The following CAPZA2 variants were observed in gnomAD, a reference collection of about 807,000 sequenced individuals.
CAPZA2 encodes capping actin protein of muscle Z-line subunit alpha 2.
CAPZA2 carries 13 observed loss-of-function variants against 44.0 expected under a neutral mutation model. The observed-to-expected ratio is 0.30, with a 90% CI of 0.19 to 0.47. CAPZA2 has a LOEUF of 0.47. Ranked by LOEUF, CAPZA2 falls within the 20% of genes least tolerant of loss-of-function variation. The pLI is 1.00. For synonymous variants in CAPZA2, 94 were observed against 108.2 expected, an observed-to-expected ratio of 0.87 and a Z score of 0.81; for missense variants, 244 against 338.6, an observed-to-expected ratio of 0.72 and a Z score of 2.19.
intron 3 of CAPZA2, among the ~76,000 whole-genome samples, chr7:116,895,720 C>T (rs1421556970): frequency 6.6e-6 from 1 of 151,734 alleles, no homozygotes; most frequent in Non-Finnish European, 1.5e-5. Flanking sequence ...TGCAATTTCT[C>T]AAAACTCTCC....
chr7:116,916,137 A>C lies in CAPZA2; in HGVS notation c.720+15A>C. ...ATGAATACCAGGTATGATTTTTTAA[A>C]TATTATATAAGCTACACTCACATAT... is the stretch of plus-strand genomic sequence containing the variant. On this transcript the variant is annotated intron_variant, in intron 9 of 9. Transcript: ENST00000361183. The C allele has an allele frequency of 6.5e-7, 1 of 1,529,242 alleles. No homozygotes were observed. The highest frequency in any genetic ancestry group is 1.3e-5 in the South Asian group (1 of 77,286). The allele number at this position is 1,529,242 out of a possible 1,614,324, so 94.7% of individuals were successfully genotyped here.
At chr7:116,906,396 A>T in intron 6 of CAPZA2, 54 bp downstream of exon 6, 1 of 1,586,126 alleles carries the variant, frequency 6.3e-7, no homozygotes. Flanking sequence ...AAGTCTTTGT[A>T]GTTCTTGCTT....
intron 3 of CAPZA2, among the ~76,000 whole-genome samples, chr7:116,894,477 G>T (rs1796899521): frequency 6.6e-6 from 1 of 151,974 alleles, no homozygotes; most frequent in Non-Finnish European, 1.5e-5. Context: ...CAACAGACTT[G>T]TGGGCATATC....
intron 2 of CAPZA2, among the ~76,000 whole-genome samples, chr7:116,892,084 G>T (rs1796853453): frequency 6.6e-6 from 1 of 151,976 alleles, no homozygotes; most frequent in South Asian, 2.1e-4. Context: ...TTCTCTTCCT[G>T]TTTATTATAT....
At chr7:116,915,642 G>A (rs1490140765) in intron 8 of CAPZA2, 2 of 141,586 alleles carry the variant, frequency 1.4e-5, no homozygotes, top group African/African-American at 5.7e-5. Context: ...CCTGATTAGT[G>A]ATTTTTTTTT....
At position 116,898,806 on chromosome 7, in the gene CAPZA2, C is replaced by G; in HGVS notation, c.190C>G (p.Pro64Ala). ...ACAGTATAACTTGGACCAGTTTACT[C>G]CAGTAAAAATTGAAGGTTATGAAGA... ...FAQYNLDQFT[P>A]VKIEGYEDQV... Residue 64 changes from proline to alanine, a missense_variant, in exon 4 of 10, where the codon CCA (proline) becomes GCA (alanine). Coordinates refer to ENST00000361183, the MANE Select transcript of CAPZA2 (RefSeq NM_006136.3). The G allele has an allele frequency of 6.3e-7, 1 of 1,598,036 alleles. No individual in the cohort carries two copies.
chr7:116,899,098 T>TG (rs1246524904), intron 4 of CAPZA2, among the ~76,000 whole-genome samples: 2 of 151,994 alleles, frequency 1.3e-5, no homozygotes, highest in African/African-American at 4.8e-5. Context: ...TATTTTTTTC[T>TG]GGGAAAAAAA....
At chr7:116,884,298 A>G (rs997110878) in intron 1 of CAPZA2, among the ~76,000 whole-genome samples, 22 of 152,206 alleles carry the variant, frequency 1.4e-4, no homozygotes, top group South Asian at 4.1e-4. Context: ...CTTTTAGCAC[A>G]TGTATAGATC....
At chr7:116,885,688 C>A (rs774827390) in intron 1 of CAPZA2, among the ~76,000 whole-genome samples, 7 of 152,124 alleles carry the variant, frequency 4.6e-5, no homozygotes, top group Non-Finnish European at 8.8e-5. Flanking sequence ...TGCTTACTTA[C>A]ATTTACCAGT....
chr7:116,898,951 A>G (rs1264909994), intron 4 of CAPZA2, 116 bp downstream of exon 4: 2 of 517,822 alleles, frequency 3.9e-6, no homozygotes, highest in Admixed American at 6.7e-5. Context: ...AATCATAACC[A>G]CTTATGGGCA....
intron 4 of CAPZA2, among the ~76,000 whole-genome samples, chr7:116,901,883 G>A (rs10085535): frequency 2.4e-3 from 121 of 49,918 alleles, no homozygotes; most frequent in African/African-American, 4.6e-3. Flanking sequence ...ACGAAGAAAT[G>A]TGTGTGTGTG....
At position 116,864,532 on chromosome 7, in the gene CAPZA2, TA is replaced by T. The variant is rs1482934168; in HGVS notation, c.39+1883del. On this transcript the variant is annotated intron_variant, in intron 1 of 9. Coordinates refer to ENST00000361183, the MANE Select transcript of CAPZA2 (RefSeq NM_006136.3). ...ATATTTTACATATAAATTTTATCAC[TA>T]TATTTACTAATTTAAAAACTGACAA... Among the ~76,000 whole-genome samples the T allele has an allele frequency of 8.5e-5, 13 of 152,330 alleles. No individual in the cohort carries two copies. In the South Asian group the frequency reaches 1.4e-3, roughly 17 times the overall value.
intron 1 of CAPZA2, among the ~76,000 whole-genome samples, chr7:116,879,461 C>G (rs1405632138): frequency 1.3e-5 from 2 of 152,164 alleles, no homozygotes; most frequent in East Asian, 3.8e-4. Flanking sequence ...GACAATTTTT[C>G]CACAGGGGAT....
At chr7:116,879,789 C>T (rs886662913) in intron 1 of CAPZA2, among the ~76,000 whole-genome samples, 1 of 152,144 alleles carries the variant, frequency 6.6e-6, no homozygotes, top group Non-Finnish European at 1.5e-5. Context: ...AGTGATAACT[C>T]TCAAAATGTT....
At chr7:116,898,542 T>A (rs1431921945) in intron 3 of CAPZA2, among the ~76,000 whole-genome samples, 1 of 152,148 alleles carries the variant, frequency 6.6e-6, no homozygotes, top group East Asian at 1.9e-4. Flanking sequence ...ATTTACTGAT[T>A]TAATTTTATT....
intron 1 of CAPZA2, among the ~76,000 whole-genome samples, chr7:116,885,331 T>A (rs770080276): frequency 6.6e-5 from 10 of 152,264 alleles, no homozygotes; most frequent in Non-Finnish European, 1.0e-4. Context: ...ACCTATGTTT[T>A]TTTTTTTGTA....
At chr7:116,911,225 G>A (rs1161028648) in intron 7 of CAPZA2, among the ~76,000 whole-genome samples, 4 of 152,134 alleles carry the variant, frequency 2.6e-5, no homozygotes, top group South Asian at 2.1e-4. Context: ...CTGATTCACA[G>A]TACAGTCTTC....
chr7:116,888,104 TTA>T (rs775881169), intron 1 of CAPZA2, 21 bp from the exon 2 acceptor site: 1 of 1,571,422 alleles, frequency 6.4e-7, no homozygotes, highest in East Asian at 2.2e-5. Context: ...TATGGAACAT[TTA>T]TATCTTTCTT....
At chr7:116,888,005 C>A in intron 1 of CAPZA2, 122 bp from the exon 2 acceptor site, 1 of 644,808 alleles carries the variant, frequency 1.6e-6, no homozygotes, top group Non-Finnish European at 2.7e-6. Context: ...AAAAGTATCA[C>A]TGTATTTAAA....
Sources: gnomAD v4.1 joint callset for allele counts (sites outside exome capture counted in the v4.1 genomes callset) on GRCh38, gnomAD v4.1.1 for gene constraint, MANE v1.5 for transcripts, NCBI Gene and HGNC (gene_info 2026-07-23, HGNC 2026-07-21) for gene names.